Variants in ACSM3 observed in about 807,000 individuals in gnomAD.
ACSM3 encodes the protein acyl-CoA synthetase medium chain family member 3.
A neutral mutation model predicts 74.1 loss-of-function variants in ACSM3; 61 were observed. The ratio of observed to expected loss-of-function variants is 0.82; its 90% CI spans 0.67 to 1.02. The LOEUF is 1.02. Ranked by LOEUF, ACSM3 falls within the 50% of genes least tolerant of loss-of-function variation. The probability of loss-of-function intolerance (pLI) is 0.00; values close to 1 mark genes in which losing one functional copy is unlikely to be tolerated. For synonymous variants in ACSM3, 213 were observed against 241.5 expected (o/e 0.88, Z 1.09); for missense variants, 660 against 697.0 (o/e 0.95, Z 0.60).
intron 9 of ACSM3, among the ~76,000 whole-genome samples, chr16:20,788,513 T>C (rs890719219): frequency 6.6e-6 from 1 of 152,198 alleles, no homozygotes; most frequent in African/African-American, 2.4e-5. Flanking sequence ...TTTAACTCTT[T>C]TCCACGGGCC....
intron 3 of ACSM3, among the ~76,000 whole-genome samples, chr16:20,757,291 T>G (rs993093580): frequency 1.3e-5 from 2 of 150,950 alleles, no homozygotes; most frequent in Non-Finnish European, 3.0e-5. Context: ...TCCATTTGTT[T>G]GTATCCTCTT....
Position 20,790,386 on chromosome 16 carries a change from G to C in ACSM3, c.1225-201G>C, listed in dbSNP as rs11864375. Among the ~76,000 whole-genome samples the C allele has an allele frequency of 0.022, 3,324 of 152,274 alleles. 136 individuals are homozygous for C. Among genetic ancestry groups the C allele is most frequent in the African/African-American group, 0.076 (3,162 of 41,552 alleles). Reference sequence around the variant, plus strand: ...GACTGTTTGAGACCAGAAGTTTGACGCTGCAGTGAGCTATGAGCTATGATT... The same window carrying C: ...GACTGTTTGAGACCAGAAGTTTGACCCTGCAGTGAGCTATGAGCTATGATT... On this transcript the variant is annotated intron_variant, in intron 9 of 13. Transcript: ENST00000289416. This position sits in a 1 kb window ranked among gnomAD's most constrained non-coding sequence, Gnocchi z 4.0.
chr16:20,686,460 G>A (rs1419375898), intron 1 of ACSM3, among the ~76,000 whole-genome samples: 1 of 151,972 alleles, frequency 6.6e-6, no homozygotes, highest in Non-Finnish European at 1.5e-5. Flanking sequence ...CACACACTGG[G>A]GCCAGTCTGA....
intron 1 of ACSM3, among the ~76,000 whole-genome samples, chr16:20,748,029 T>C (rs2079965142): frequency 6.6e-6 from 1 of 151,886 alleles, no homozygotes; most frequent in Non-Finnish European, 1.5e-5. Flanking sequence ...CCCAGCTACT[T>C]GGGGGGCTGA....
At position 20,797,520 on chromosome 16, in the gene ACSM3, A is replaced by G; in HGVS notation, c.*548A>G. The G allele has an allele frequency of 8.5e-7, 1 of 1,172,132 alleles. No homozygotes were observed. The highest frequency in any genetic ancestry group is 3.5e-4 in the Middle Eastern group (1 of 2,872). 72.6% of individuals were successfully genotyped at this position (1,172,132 alleles called of 1,614,324 possible). ...ACTTGTTTCAAGGTCTAACTATAAA[A>G]GAAGGATCATATACTATTGTTGCTT... On this transcript the variant is annotated 3_prime_UTR_variant, in exon 14 of 14. Transcript: ENST00000289416.
intron 12 of ACSM3, among the ~76,000 whole-genome samples, chr16:20,795,807 G>C (rs1008960420): frequency 5.3e-5 from 8 of 152,230 alleles, no homozygotes; most frequent in Non-Finnish European, 1.0e-4. Flanking sequence ...TTTAAAGGGG[G>C]CTATGAGGGA....
rs892965749 is a variant in ACSM3, at chr16:20,781,093, A to G, written c.902A>G (p.His301Arg). 1 of 1,614,040 alleles carries G rather than the reference A, an allele frequency of 6.2e-7. No homozygotes were observed. The highest frequency in any genetic ancestry group is 1.3e-5 in the African/African-American group (1 of 74,924). The change falls in exon 6 of 14, where the codon CAC (histidine) becomes CGC (arginine). Residue 301 changes from histidine (H) to arginine (R), a missense_variant. Coordinates refer to ENST00000289416, the MANE Select transcript of ACSM3 (RefSeq NM_005622.4). ...ATCCAGGGAGCATGTGTATTCACAC[A>G]CCATTTACCCCGTTTTGAGCCGACT... ...PWIQGACVFT[H>R]HLPRFEPTSI...
intron 1 of ACSM3, among the ~76,000 whole-genome samples, chr16:20,718,016 A>AGAAGAAGAAGAG (rs1567323319): frequency 1.3e-5 from 2 of 149,262 alleles, no homozygotes; most frequent in East Asian, 3.9e-4. Context: ...AAGAAGAAGA[A>AGAAGAAGAAGAG]GAAGAAGAAG....
At chr16:20,765,647 G>C (rs1230816340) in intron 1 of ACSM3, among the ~76,000 whole-genome samples, 1 of 152,116 alleles carries the variant, frequency 6.6e-6, no homozygotes, top group Non-Finnish European at 1.5e-5. Context: ...GCCGTGTCTT[G>C]TTCACAGCTA....
intron 1 of ACSM3, among the ~76,000 whole-genome samples, chr16:20,730,150 C>T (rs2079821749): frequency 6.6e-6 from 1 of 152,130 alleles, no homozygotes; most frequent in Admixed American, 6.5e-5. Flanking sequence ...GGGTTGGTGT[C>T]AATCCCACCA....
intron 4 of ACSM3, chr16:20,780,251 G>A (rs2080323864): frequency 5.2e-6 from 1 of 191,080 alleles, no homozygotes; most frequent in South Asian, 1.0e-4. Flanking sequence ...TTTGCCAGTA[G>A]GCTGTAGTGT....
intron 1 of ACSM3, among the ~76,000 whole-genome samples, chr16:20,742,489 A>G (rs1308857210): frequency 1.3e-5 from 2 of 152,098 alleles, no homozygotes; most frequent in African/African-American, 2.4e-5. Context: ...CTAAAATGCA[A>G]AAAATTAGCC....
chr16:20,711,230 A>G (rs151221), intron 1 of ACSM3, among the ~76,000 whole-genome samples: 11,161 of 152,270 alleles, frequency 0.073, 803 homozygotes, highest in African/African-American at 0.19. Context: ...CAGAGAGATC[A>G]AGGTCACAAA....
At chr16:20,722,180 A>G (rs2079788148) in intron 1 of ACSM3, 2 of 152,218 alleles carry the variant, frequency 1.3e-5, no homozygotes, top group African/African-American at 2.4e-5. Context: ...ATGATTTTAC[A>G]TAATTGGGGT....
At chr16:20,771,999 A>T (rs1466453684) in intron 2 of ACSM3, among the ~76,000 whole-genome samples, 2 of 152,154 alleles carry the variant, frequency 1.3e-5, no homozygotes, top group East Asian at 3.8e-4. Flanking sequence ...GATGTTGAGC[A>T]TTTTTTCATA....
intron 1 of ACSM3, chr16:20,682,404 G>A (rs770060543): frequency 6.2e-7 from 1 of 1,614,014 alleles, no homozygotes; most frequent in Non-Finnish European, 8.5e-7. Context: ...TTAGACAACT[G>A]TAGTCGATAG....
chr16:20,691,245 G>T, intron 1 of ACSM3: 1 of 1,414,852 alleles, frequency 7.1e-7, no homozygotes, highest in Non-Finnish European at 9.4e-7. Context: ...CCTGCCTTGG[G>T]AAGAGATGGC....
At chr16:20,679,189 C>T (rs1214679902) in intron 1 of ACSM3, 2 of 152,248 alleles carry the variant, frequency 1.3e-5, no homozygotes, top group Admixed American at 6.5e-5. Flanking sequence ...TTCACCATAG[C>T]TGGCTGAAAC....
intron 1 of ACSM3, chr16:20,737,053 G>T (rs1387609118): frequency 3.1e-6 from 5 of 1,614,062 alleles, no homozygotes; most frequent in Non-Finnish European, 4.2e-6. Flanking sequence ...GTGTTGTTTT[G>T]GTCTGATTTG....
Sources: allele counts gnomAD v4.1 joint callset (sites outside exome capture counted in the v4.1 genomes callset), GRCh38; gene constraint gnomAD v4.1.1; non-coding constraint Gnocchi (gnomAD v3.1); transcripts MANE v1.5; gene names NCBI Gene and HGNC (gene_info 2026-07-23, HGNC 2026-07-21).